Variants in GPR39 observed in about 807,000 individuals in gnomAD.
GPR39 encodes G protein-coupled receptor 39, also known as zinc sensing receptor.
Under a neutral mutation model 18.4 loss-of-function variants are expected in GPR39, and 23 were observed. The observed-to-expected ratio is 1.25, with a 90% CI of 0.90 to 1.77. The LOEUF is 1.77. GPR39 is among the 40% of genes most tolerant of loss of function. GPR39 has a pLI of 0.00. For synonymous variants in GPR39, 280 were observed against 257.9 expected, an observed-to-expected ratio of 1.09 and a Z score of -0.82; for missense variants, 647 against 602.4, an observed-to-expected ratio of 1.07 and a Z score of -0.78.
intron 1 of GPR39, among the ~76,000 whole-genome samples, chr2:132,468,805 G>A (rs750244515): frequency 6.6e-5 from 10 of 152,166 alleles, no homozygotes; most frequent in Non-Finnish European, 1.2e-4. Flanking sequence ...GGGTAGTGGC[G>A]ATGGGCCTGG....
At chr2:132,484,880 G>A (rs1483712114) in intron 1 of GPR39, among the ~76,000 whole-genome samples, 3 of 152,210 alleles carry the variant, frequency 2.0e-5, no homozygotes. Context: ...AGAGGCACCT[G>A]GCAAGAGGAA....
intron 1 of GPR39, among the ~76,000 whole-genome samples, chr2:132,641,839 TCTTG>T (rs1227480032): frequency 2.0e-5 from 3 of 152,256 alleles, no homozygotes; most frequent in Non-Finnish European, 4.4e-5. Flanking sequence ...GTGTTTACTT[TCTTG>T]CTTGTGTTTC....
chr2:132,614,291 C>G (rs558749052), intron 1 of GPR39, among the ~76,000 whole-genome samples: 33 of 152,240 alleles, frequency 2.2e-4, no homozygotes, highest in Non-Finnish European at 4.6e-4. Context: ...ACTGCAACCT[C>G]CATCTCCCGG....
chr2:132,526,907 A>G (rs1432908609), intron 1 of GPR39, among the ~76,000 whole-genome samples: 1 of 152,168 alleles, frequency 6.6e-6, no homozygotes, highest in Non-Finnish European at 1.5e-5. Context: ...CCTTTTTTTA[A>G]AATTAATTCT....
intron 1 of GPR39, among the ~76,000 whole-genome samples, chr2:132,529,795 G>A (rs1406369028): frequency 6.6e-6 from 1 of 152,200 alleles, no homozygotes; most frequent in South Asian, 2.1e-4. Context: ...TGAGGGTCCT[G>A]ACTGTTAGAA....
intron 1 of GPR39, among the ~76,000 whole-genome samples, chr2:132,575,788 G>T (rs1349758979): frequency 1.3e-5 from 2 of 152,150 alleles, no homozygotes; most frequent in African/African-American, 4.8e-5. Context: ...TTGTCTAAAT[G>T]TTTGTCCTCC....
intron 1 of GPR39, among the ~76,000 whole-genome samples, chr2:132,428,410 G>A (rs992711099): frequency 6.6e-6 from 1 of 152,204 alleles, no homozygotes; most frequent in Admixed American, 6.5e-5. Flanking sequence ...AAGCCTAAAT[G>A]TACCACTTGA....
chr2:132,585,084 C>T (rs1017322703), intron 1 of GPR39, among the ~76,000 whole-genome samples: 1 of 152,202 alleles, frequency 6.6e-6, no homozygotes, highest in African/African-American at 2.4e-5. Flanking sequence ...ACATTCTTTA[C>T]GTGGGAGCCC....
At chr2:132,493,171 C>G (rs1450206851) in intron 1 of GPR39, among the ~76,000 whole-genome samples, 1 of 141,480 alleles carries the variant, frequency 7.1e-6, no homozygotes, top group Admixed American at 7.2e-5. Flanking sequence ...CATATATACA[C>G]CATATATACA....
chr2:132,427,917 A>C (rs1680156801), intron 1 of GPR39, among the ~76,000 whole-genome samples: 1 of 146,442 alleles, frequency 6.8e-6, no homozygotes, highest in African/African-American at 2.5e-5. Context: ...AATTATATTT[A>C]AATATATATA....
intron 1 of GPR39, among the ~76,000 whole-genome samples, chr2:132,562,591 G>A (rs1388496036): frequency 1.6e-5 from 2 of 126,292 alleles, no homozygotes; most frequent in African/African-American, 7.0e-5. Context: ...CTTACAGAAA[G>A]CCTTCTGAGA....
intron 1 of GPR39, among the ~76,000 whole-genome samples, chr2:132,635,539 G>A (rs1218265914): frequency 6.6e-6 from 1 of 152,132 alleles, no homozygotes; most frequent in Non-Finnish European, 1.5e-5. Flanking sequence ...GAATAGGGAG[G>A]AAGGAAGAGA....
intron 1 of GPR39, among the ~76,000 whole-genome samples, chr2:132,590,049 T>C (rs1680800851): frequency 6.6e-6 from 1 of 152,256 alleles, no homozygotes; most frequent in African/African-American, 2.4e-5. Flanking sequence ...ATTATTTCTT[T>C]TCATATAGTA....
At chr2:132,423,381 G>A (rs543133772) in intron 1 of GPR39, among the ~76,000 whole-genome samples, 7 of 152,198 alleles carry the variant, frequency 4.6e-5, no homozygotes, top group East Asian at 1.9e-4. Context: ...TATTTTACCC[G>A]AATTACCTCC....
intron 1 of GPR39, among the ~76,000 whole-genome samples, chr2:132,532,683 G>T (rs1679663520): frequency 6.6e-6 from 1 of 152,220 alleles, no homozygotes; most frequent in South Asian, 2.1e-4. Flanking sequence ...ATGCAAGGCT[G>T]TTTCAACATA....
intron 1 of GPR39, among the ~76,000 whole-genome samples, chr2:132,607,673 G>A (rs1236213582): frequency 1.3e-5 from 2 of 152,142 alleles, no homozygotes; most frequent in African/African-American, 4.8e-5. Context: ...CCCAGTGCTG[G>A]TCCTGTTGAC....
At chr2:132,619,830 G>GACACAGAC (rs1681403195) in intron 1 of GPR39, among the ~76,000 whole-genome samples, 1 of 138,474 alleles carries the variant, frequency 7.2e-6, no homozygotes, top group Admixed American at 7.0e-5. Context: ...CACAGACACA[G>GACACAGAC]ACACACACAC....
chr2:132,540,367 A>G (rs1379708477), intron 1 of GPR39, among the ~76,000 whole-genome samples: 1 of 152,120 alleles, frequency 6.6e-6, no homozygotes, highest in Non-Finnish European at 1.5e-5. Flanking sequence ...GGGGAGAGCG[A>G]CGGTCAGGAA....
At chr2:132,613,752 G>A (rs548652973) in intron 1 of GPR39, among the ~76,000 whole-genome samples, 68 of 152,290 alleles carry the variant, frequency 4.5e-4, no homozygotes, top group Middle Eastern at 3.4e-3. Flanking sequence ...ATGGAAGCAT[G>A]GCCCTCATCA....
Sources: gnomAD v4.1 joint callset for allele counts (sites outside exome capture counted in the v4.1 genomes callset) on GRCh38, gnomAD v4.1.1 for gene constraint, MANE v1.5 for transcripts, NCBI Gene and HGNC (gene_info 2026-07-23, HGNC 2026-07-21) for gene names.